Variants in PCDHAC1 observed in about 807,000 individuals in gnomAD.
PCDHAC1 encodes protocadherin alpha subfamily C, 1.
In PCDHAC1, 42 loss-of-function variants were observed where a neutral mutation model predicts 60.0. The observed-to-expected ratio is 0.70, with a 90% confidence interval of 0.55 to 0.90. The LOEUF (loss-of-function observed/expected upper bound fraction) is 0.90. Among genes scored for constraint, PCDHAC1 ranks in the 40% least tolerant of loss-of-function variants. The probability of loss-of-function intolerance (pLI) is 0.00; values close to 1 mark genes in which losing one functional copy is unlikely to be tolerated. For missense variants in PCDHAC1, 1,160 were observed against 1,222.3 expected, an observed-to-expected ratio of 0.95 and a Z score of 0.76; for synonymous variants, 468 against 499.3, an observed-to-expected ratio of 0.94 and a Z score of 0.84.
At chr5:140,989,533 T>C (rs114286041) in intron 3 of PCDHAC1, among the ~76,000 whole-genome samples, 1,576 of 152,276 alleles carry the variant, frequency 0.01, 12 homozygotes, top group Middle Eastern at 0.058. Flanking sequence ...AGGAGGAAGA[T>C]AGTTTGTAAT....
chr5:140,965,748 C>T (rs1010303564), intron 1 of PCDHAC1, among the ~76,000 whole-genome samples: 1 of 152,174 alleles, frequency 6.6e-6, no homozygotes, highest in Non-Finnish European at 1.5e-5. Flanking sequence ...TCCCCATTGT[C>T]GCCAAAATGG....
rs529065220 is a variant in PCDHAC1, at chr5:140,930,291, C to T, written c.2433+966C>T. On this transcript the variant is annotated intron_variant, in intron 1 of 3. Transcript: ENST00000253807. ...TATTTTAGGGGACAAATACACTTAA[C>T]AAATAAGTAAATATCATATTTGAGA... The T allele has an allele frequency of 2.6e-5, 4 of 152,208 alleles. No homozygotes were observed. The South Asian group carries it at 8.3e-4, about 32-fold the overall frequency. 9.4% of individuals were successfully genotyped at this position (152,208 alleles called of 1,614,324 possible). A position where few individuals can be genotyped will look rare whatever the true frequency, so the allele number is the denominator to read the frequency against.
At chr5:141,009,169 C>T (rs782079623) in intron 3 of PCDHAC1, among the ~76,000 whole-genome samples, 13 of 152,186 alleles carry the variant, frequency 8.5e-5, no homozygotes, top group Non-Finnish European at 1.3e-4. Flanking sequence ...TAAATACTGG[C>T]CTTGGCTGGG....
rs144585858 is a variant in PCDHAC1 at position 140,984,129 on chromosome 5, G to A, written c.2581+1566G>A. On this transcript the variant is annotated intron_variant, in intron 3 of 3. Transcript: ENST00000253807. The stretch of plus-strand genomic sequence containing the variant: ...GGTTTTAGACTGCCAAGTGTTGCAG[G>A]ATGTGGAGGCATCTGGGAAGGTGAG... 1.3e-3 allele frequency among the ~76,000 whole-genome samples: 205 copies of A among 152,236 alleles called. 1 individual carries two copies. Among genetic ancestry groups the A allele is most frequent in the Non-Finnish European group, 2.6e-3 (175 of 68,046 alleles).
At chr5:140,941,185 C>CTTTT (rs782102770) in intron 1 of PCDHAC1, among the ~76,000 whole-genome samples, 28 of 102,174 alleles carry the variant, frequency 2.7e-4, no homozygotes, top group African/African-American at 6.8e-4. Flanking sequence ...CATCCTGCTT[C>CTTTT]TTTTTTTTTC....
intron 1 of PCDHAC1, among the ~76,000 whole-genome samples, chr5:140,954,531 G>A (rs564993313): frequency 4.6e-5 from 7 of 152,218 alleles, no homozygotes; most frequent in African/African-American, 1.4e-4. Context: ...GTGATGTTGA[G>A]GTTTTTTTCA....
intron 3 of PCDHAC1, among the ~76,000 whole-genome samples, chr5:140,990,910 A>G (rs1460988111): frequency 1.3e-5 from 2 of 152,198 alleles, no homozygotes; most frequent in African/African-American, 2.4e-5. Context: ...GTCAAGTTTT[A>G]TAAGTCTTTA....
At chr5:140,949,474 G>T (rs2094384891) in intron 1 of PCDHAC1, among the ~76,000 whole-genome samples, 1 of 151,524 alleles carries the variant, frequency 6.6e-6, no homozygotes, top group Admixed American at 6.6e-5. Flanking sequence ...CTGTTATTAG[G>T]CACACACATT....
intron 1 of PCDHAC1, chr5:140,967,870 G>C (rs782622860): frequency 1.2e-6 from 2 of 1,614,152 alleles, no homozygotes; most frequent in Admixed American, 3.3e-5. Context: ...TGGTGCTCAC[G>C]GACCTGTATA....
chr5:140,968,107 G>A (rs200195064), intron 1 of PCDHAC1: 58 of 1,613,992 alleles, frequency 3.6e-5, no homozygotes, highest in African/African-American at 5.3e-5. Context: ...GGGGAATACC[G>A]CAGCTCACAT....
rs10602499 is a variant in PCDHAC1 at position 140,992,017 on chromosome 5, C to CTGTGTGTGTG, written c.2581+9482_2581+9491dup. Among the ~76,000 whole-genome samples, 121 of 145,620 alleles carry CTGTGTGTGTG rather than the reference C, an allele frequency of 8.3e-4. 2 individuals are homozygous for CTGTGTGTGTG. The highest frequency in any genetic ancestry group is 3.5e-3 in the Middle Eastern group (1 of 288). ...CTTTCATGTTCAGGCAGAGGTGGCT[C>CTGTGTGTGTG]TGTGTGTGTGTGTGTGTGTGTGTGT... On this transcript the variant is annotated intron_variant, in intron 3 of 3. Transcript: ENST00000253807.
chr5:140,933,694 C>A lies in PCDHAC1; in HGVS notation c.2433+4369C>A, dbSNP rs782754431. On this transcript the variant is annotated intron_variant, in intron 1 of 3. Coordinates refer to ENST00000253807, the MANE Select transcript of PCDHAC1 (RefSeq NM_018898.5). ...CTCTCACATTTTTTTTCCTATTCCT[C>A]GGACACATTTACTGAGATTGGTGAT... 5.3e-5 allele frequency among the ~76,000 whole-genome samples: 8 copies of A among 151,858 alleles called. No homozygotes were observed. In the South Asian group the frequency reaches 1.7e-3, roughly 31 times the overall value.
intron 2 of PCDHAC1, chr5:140,982,242 AAAG>A (rs2096973421): frequency 2.9e-6 from 2 of 701,584 alleles, no homozygotes; most frequent in African/African-American, 3.6e-5. Flanking sequence ...GAATTGCCAT[AAAG>A]ATAGAACATG....
chr5:140,972,201 G>A (rs1554233905), intron 1 of PCDHAC1, among the ~76,000 whole-genome samples: 1 of 152,058 alleles, frequency 6.6e-6, no homozygotes, highest in African/African-American at 2.4e-5. Flanking sequence ...GAGTATAGGT[G>A]TGAATATGGC....
At chr5:140,966,818 C>T in intron 1 of PCDHAC1, 1 of 1,554,294 alleles carries the variant, frequency 6.4e-7, no homozygotes, top group Admixed American at 1.9e-5. Flanking sequence ...ACGGCTCCGG[C>T]GGCCCATGCC....
chr5:141,000,361 GTCTCTCTCTCTCTCTC>G (rs148596731), intron 3 of PCDHAC1, among the ~76,000 whole-genome samples: 6 of 26,448 alleles, frequency 2.3e-4, no homozygotes, highest in African/African-American at 1.2e-3. Context: ...GTCTCTCTCT[GTCTCTCTCTCTCTCTC>G]TCTCTCTCTC....
chr5:140,927,045 C>G lies in PCDHAC1; in HGVS notation c.153C>G (p.Ser51=). ...ADLRLPAAAM[S]SRNFRFLSSH... ...TGAGGCTGCCAGCGGCCGCTATGTCCTCGCGGAACTTTCGCTTCCTTTCCA... is the reference window on the plus strand; with the variant it reads ...TGAGGCTGCCAGCGGCCGCTATGTCGTCGCGGAACTTTCGCTTCCTTTCCA... The change falls in exon 1 of 4, where the codon TCC becomes TCG. Residue 51 remains serine, a synonymous_variant. Coordinates refer to ENST00000253807, the MANE Select transcript of PCDHAC1 (RefSeq NM_018898.5). 6.2e-7 allele frequency: 1 copy of G among 1,612,254 alleles called. No homozygotes were observed. Among genetic ancestry groups the G allele is most frequent in the Non-Finnish European group, 8.5e-7 (1 of 1,178,788 alleles).
chr5:140,942,391 G>A (rs901640537), intron 1 of PCDHAC1, among the ~76,000 whole-genome samples: 1 of 151,546 alleles, frequency 6.6e-6, no homozygotes, highest in Non-Finnish European at 1.5e-5. Context: ...CAGCCTGGGC[G>A]ACAGATGAGA....
In PCDHAC1 at chr5:141,010,929, T is replaced by G. The variant is rs782088449; in HGVS notation, c.*992T>G. 1 of 153,778 alleles carries G rather than the reference T, an allele frequency of 6.5e-6. No homozygotes were observed. Among genetic ancestry groups the G allele is most frequent in the Non-Finnish European group, 1.5e-5 (1 of 68,048 alleles). 9.5% of individuals were successfully genotyped at this position (153,778 alleles called of 1,614,324 possible). A position where few individuals can be genotyped will look rare whatever the true frequency, so the allele number is the denominator to read the frequency against. ...AAACTCTCCTCAAAAGAGAATTCAG[T>G]CTACAGCCATTTAAATGATCATTGC... On this transcript the variant is annotated 3_prime_UTR_variant, in exon 4 of 4. Transcript: ENST00000253807.
Sources: gnomAD v4.1 joint callset for allele counts (sites outside exome capture counted in the v4.1 genomes callset) on GRCh38, gnomAD v4.1.1 for gene constraint, MANE v1.5 for transcripts, NCBI Gene and HGNC (gene_info 2026-07-23, HGNC 2026-07-21) for gene names.